The following SLC22A3 variants were observed in gnomAD, a reference collection of about 807,000 sequenced individuals.
The protein encoded by SLC22A3 is solute carrier family 22 member 3.
Under a neutral mutation model 59.1 loss-of-function variants are expected in SLC22A3, and 51 were observed. The observed-to-expected ratio is 0.86, with a 90% CI of 0.69 to 1.09. The LOEUF is 1.09. Ranked by LOEUF, SLC22A3 falls within the 50% of genes least tolerant of loss-of-function variation. SLC22A3 has a pLI of 0.00. For missense variants in SLC22A3, 711 were observed against 726.3 expected (o/e 0.98, Z 0.24); for synonymous variants, 325 against 292.0 (o/e 1.11, Z -1.15).
At chr6:160,378,031 A>C (rs1785661789) in intron 1 of SLC22A3, among the ~76,000 whole-genome samples, 1 of 152,064 alleles carries the variant, frequency 6.6e-6, no homozygotes, top group South Asian at 2.1e-4. Context: ...TGTATTTAAC[A>C]CTCCTTCAAC....
chr6:160,352,028 G>A (rs887231778), intron 1 of SLC22A3, among the ~76,000 whole-genome samples: 3 of 152,200 alleles, frequency 2.0e-5, no homozygotes, highest in African/African-American at 7.2e-5. Flanking sequence ...TTACTATCAT[G>A]GTCCTCCAAT....
At position 160,410,800 on chromosome 6, in the gene SLC22A3, G is replaced by T. The variant is rs753918761; in HGVS notation, c.929G>T (p.Arg310Leu). The change falls in exon 5 of 11, where the codon CGC (arginine) becomes CTC (leucine). Residue 310 changes from arginine to leucine, a missense_variant. Physicochemically the swap from Arg to Leu is moderately radical, Grantham distance 102. Coordinates refer to ENST00000275300, the MANE Select transcript of SLC22A3 (RefSeq NM_021977.4). ...KGDKALQILR[R>L]IAKCNGKYLS... ...GATAAAGCATTACAGATCCTGAGAC[G>T]CATTGCTAAGTGCAATGGGAAATAC... The T allele has an allele frequency of 7.4e-6, 12 of 1,612,810 alleles. No homozygotes were observed. The highest frequency in any genetic ancestry group is 1.0e-5 in the Non-Finnish European group (12 of 1,179,134).
At chr6:160,432,624 C>T (rs1012916348) in intron 5 of SLC22A3, among the ~76,000 whole-genome samples, 5 of 152,098 alleles carry the variant, frequency 3.3e-5, no homozygotes, top group African/African-American at 4.8e-5. Context: ...GACGGGGTTT[C>T]ACCATGTTGG....
At position 160,401,855 on chromosome 6, in the gene SLC22A3, AT is replaced by A. The variant is rs1300830432; in HGVS notation, c.533+3781del. ...ACTCTAAAGCAACTACTAAAAAAAG[AT>A]TTTTTTTAAAAAAGCATGACTGATA... is the stretch of plus-strand genomic sequence containing the variant. On this transcript the variant is annotated intron_variant, in intron 2 of 10. Coordinates refer to ENST00000275300, the MANE Select transcript of SLC22A3 (RefSeq NM_021977.4). Among the ~76,000 whole-genome samples the A allele has an allele frequency of 4.0e-5, 6 of 151,820 alleles. No individual in the cohort carries two copies. In the South Asian group the frequency reaches 6.2e-4, roughly 16 times the overall value.
At chr6:160,379,280 G>T (rs2457555) in intron 1 of SLC22A3, among the ~76,000 whole-genome samples, 2 of 152,128 alleles carry the variant, frequency 1.3e-5, no homozygotes, top group Non-Finnish European at 2.9e-5. Context: ...TTGATACCCT[G>T]TCTACATCAT....
chr6:160,379,955 T>C (rs1785736493), intron 1 of SLC22A3, among the ~76,000 whole-genome samples: 1 of 152,178 alleles, frequency 6.6e-6, no homozygotes, highest in Non-Finnish European at 1.5e-5. Flanking sequence ...GTATACAAAA[T>C]CAATTATATG....
intron 1 of SLC22A3, among the ~76,000 whole-genome samples, chr6:160,361,146 T>C (rs1166847167): frequency 6.6e-6 from 1 of 152,138 alleles, no homozygotes; most frequent in Non-Finnish European, 1.5e-5. Flanking sequence ...CATAACTCCA[T>C]GGGGAGAGGA....
chr6:160,348,701 C>G lies in SLC22A3; in HGVS notation c.282C>G (p.Leu94=). 6.6e-7 allele frequency: 1 copy of G among 1,521,480 alleles called. No individual in the cohort carries two copies. Among genetic ancestry groups the G allele is most frequent in the African/African-American group, 1.4e-5 (1 of 70,838 alleles). The allele number at this position is 1,521,480 out of a possible 1,614,324, so 94.2% of individuals were successfully genotyped here. A position where few individuals can be genotyped will look rare whatever the true frequency, so the allele number is the denominator to read the frequency against. Reference sequence around the variant, plus strand: ...GCCGCGGCCGCTGCCAGCGCTACCTCCTGGAGGCGGCCAACGACAGCGCCT... The same window carrying G: ...GCCGCGGCCGCTGCCAGCGCTACCTGCTGGAGGCGGCCAACGACAGCGCCT... The part of the protein sequence containing the change: ...PERRGRCQRY[L]LEAANDSASA... Residue 94 remains leucine, a synonymous_variant, in exon 1 of 11, where the codon CTC becomes CTG. Transcript: ENST00000275300.
chr6:160,387,753 T>C (rs1786081223), intron 1 of SLC22A3, among the ~76,000 whole-genome samples: 1 of 152,166 alleles, frequency 6.6e-6, no homozygotes, highest in Non-Finnish European at 1.5e-5. Flanking sequence ...AGGTAAAAAC[T>C]AGTAAAGAAA....
At chr6:160,359,154 C>T (rs1038047009) in intron 1 of SLC22A3, among the ~76,000 whole-genome samples, 1 of 152,160 alleles carries the variant, frequency 6.6e-6, no homozygotes, top group African/African-American at 2.4e-5. Context: ...AACATCAGAT[C>T]ACAGTTTGCT....
chr6:160,446,635 G>T (rs569285809), intron 9 of SLC22A3, among the ~76,000 whole-genome samples: 3 of 152,196 alleles, frequency 2.0e-5, no homozygotes, highest in African/African-American at 7.2e-5. Flanking sequence ...CAACATGTGG[G>T]GATTACAATT....
chr6:160,398,063 T>C lies in SLC22A3; in HGVS notation c.514T>C (p.Leu172=). ...NLGFLTGAFT[L]GYAADRYGRI... ...CGGCTTCCTGACTGGAGCATTCACC[T>C]TAGGCTATGCAGCAGACAGGTAGGT... The change falls in exon 2 of 11, where the codon TTA becomes CTA. Residue 172 remains leucine (L), a synonymous_variant. Transcript: ENST00000275300. The C allele has an allele frequency of 6.2e-7, 1 of 1,613,442 alleles. No individual in the cohort carries two copies. The highest frequency in any genetic ancestry group is 1.7e-4 in the Middle Eastern group (1 of 6,060).
intron 1 of SLC22A3, among the ~76,000 whole-genome samples, chr6:160,396,134 C>CA (rs946559405): frequency 6.6e-6 from 1 of 152,178 alleles, no homozygotes; most frequent in African/African-American, 2.4e-5. Flanking sequence ...GGTTCCTACC[C>CA]AAAATTGTAC....
At position 160,348,381 on chromosome 6, in the gene SLC22A3, C is replaced by A; in HGVS notation, c.-39C>A. 1 of 1,420,930 alleles carries A rather than the reference C, an allele frequency of 7.0e-7. No homozygotes were observed. Among genetic ancestry groups the A allele is most frequent in the East Asian group, 2.9e-5 (1 of 34,892 alleles). The allele number at this position is 1,420,930 out of a possible 1,614,324, so 88.0% of individuals were successfully genotyped here. On this transcript the variant is annotated 5_prime_UTR_variant, in exon 1 of 11. Transcript: ENST00000275300. ...CCGCCGGCTGGGTCCGCGGGTCACT[C>A]CGAGGCGCGGGCTGCGGGCGGCGGG... is the stretch of plus-strand genomic sequence containing the variant.
chr6:160,439,230 G>GCAAA (rs1301909361), intron 7 of SLC22A3, among the ~76,000 whole-genome samples: 12 of 152,018 alleles, frequency 7.9e-5, no homozygotes, highest in African/African-American at 2.9e-4. Context: ...GTGAAAAATC[G>GCAAA]CAAACATTGG....
intron 2 of SLC22A3, among the ~76,000 whole-genome samples, chr6:160,406,813 G>A (rs1260695768): frequency 6.6e-6 from 1 of 152,182 alleles, no homozygotes; most frequent in East Asian, 1.9e-4. Flanking sequence ...TTCAAGGAGG[G>A]TCATCTTTTC....
At chr6:160,364,195 T>C (rs1785123559) in intron 1 of SLC22A3, among the ~76,000 whole-genome samples, 1 of 152,174 alleles carries the variant, frequency 6.6e-6, no homozygotes, top group African/African-American at 2.4e-5. Flanking sequence ...AGAAGAAGTC[T>C]GGGTTATACA....
At chr6:160,450,864 G>A (rs925487864) in intron 10 of SLC22A3, 132 bp from the exon 11 acceptor site, 12 of 844,064 alleles carry the variant, frequency 1.4e-5, no homozygotes, top group Non-Finnish European at 2.1e-5. Flanking sequence ...GACAGATATT[G>A]TTGTTACCTT....
chr6:160,449,813 T>C (rs1788882783), intron 10 of SLC22A3, among the ~76,000 whole-genome samples: 1 of 152,104 alleles, frequency 6.6e-6, no homozygotes, highest in Non-Finnish European at 1.5e-5. Context: ...GGGGGTGACA[T>C]CACATATCGG....
Sources: allele counts gnomAD v4.1 joint callset (sites outside exome capture counted in the v4.1 genomes callset), GRCh38; gene constraint gnomAD v4.1.1; transcripts MANE v1.5; gene names NCBI Gene and HGNC (gene_info 2026-07-23, HGNC 2026-07-21).